The following FAM174B variants were observed in gnomAD, a reference collection of about 807,000 sequenced individuals.
FAM174B encodes the protein membrane protein FAM174B.
In FAM174B, 12 loss-of-function variants were observed where a neutral mutation model predicts 10.9. That is an observed-to-expected ratio of 1.10 (90% CI 0.71 to 1.79). FAM174B has a LOEUF of 1.79. Among genes scored for constraint, FAM174B ranks in the 40% most tolerant of loss-of-function variants. The pLI is 0.00. For missense variants in FAM174B, 266 were observed against 233.3 expected, an observed-to-expected ratio of 1.14 and a Z score of -0.91; for synonymous variants, 132 against 115.8, an observed-to-expected ratio of 1.14 and a Z score of -0.90.
intron 1 of FAM174B, among the ~76,000 whole-genome samples, chr15:92,636,668 G>A (rs1166903202): frequency 2.0e-5 from 3 of 152,128 alleles, no homozygotes; most frequent in African/African-American, 4.8e-5. Flanking sequence ...GAAGCAACTC[G>A]GGAAAATCAC....
At chr15:92,627,909 C>CT (rs976515590) in intron 2 of FAM174B, among the ~76,000 whole-genome samples, 7 of 152,160 alleles carry the variant, frequency 4.6e-5, no homozygotes, top group Non-Finnish European at 1.0e-4. Flanking sequence ...AATACAATCA[C>CT]TAACTTTCCT....
chr15:92,655,334 A>G lies in FAM174B; in HGVS notation c.326T>C (p.Leu109Pro). ...GGCCCACCTGAAGACGCGCAGCAGC[A>G]GGCAGGCGATGAGGAGGGTGGTAAA... ...FAFTTLLIAC[L>P]LLRVFRSGKR... is the part of the protein sequence containing the mutation. The change falls in exon 1 of 3, where the codon CTG (leucine) becomes CCG (proline). Residue 109 changes from leucine to proline, a missense_variant. Leu to Pro is a moderately conservative substitution (Grantham distance 98). Coordinates refer to ENST00000327355, the MANE Select transcript of FAM174B (RefSeq NM_207446.3). 1 of 1,569,722 alleles carries G rather than the reference A, an allele frequency of 6.4e-7. No individual in the cohort carries two copies. Among genetic ancestry groups the G allele is most frequent in the Non-Finnish European group, 8.6e-7 (1 of 1,157,660 alleles).
At chr15:92,650,228 G>A (rs945112183) in intron 1 of FAM174B, among the ~76,000 whole-genome samples, 1 of 152,132 alleles carries the variant, frequency 6.6e-6, no homozygotes, top group South Asian at 2.1e-4. Flanking sequence ...AAGATAAGTA[G>A]GAAAGTTCTC....
At chr15:92,640,911 C>T (rs567308711) in intron 1 of FAM174B, among the ~76,000 whole-genome samples, 90 of 152,224 alleles carry the variant, frequency 5.9e-4, no homozygotes, top group African/African-American at 2.1e-3. Context: ...TCCCAAAGTG[C>T]TGGGATTACA....
At chr15:92,645,227 T>C (rs1203758902) in intron 1 of FAM174B, among the ~76,000 whole-genome samples, 10 of 152,212 alleles carry the variant, frequency 6.6e-5, no homozygotes. Context: ...ATTATTTATA[T>C]AATCTAGCTG....
At chr15:92,631,391 T>C (rs1249540619) in intron 1 of FAM174B, among the ~76,000 whole-genome samples, 3 of 36,172 alleles carry the variant, frequency 8.3e-5, no homozygotes, top group East Asian at 1.5e-3. Context: ...TTATATATTA[T>C]ATATTATATT....
At position 92,631,246 on chromosome 15, in the gene FAM174B, AT is replaced by A. The variant is rs1233298331; in HGVS notation, c.345-902del. 5.8e-4 allele frequency among the ~76,000 whole-genome samples: 7 copies of A among 12,016 alleles called. 1 individual carries two copies. The highest frequency in any genetic ancestry group is 1.2e-3 in the African/African-American group (4 of 3,272). The allele number at this position is 12,016 out of a possible 152,430, so 7.9% of individuals were successfully genotyped here. A position where few individuals can be genotyped will look rare whatever the true frequency, so the allele number is the denominator to read the frequency against. On this transcript the variant is annotated intron_variant, in intron 1 of 2. Transcript: ENST00000327355. The stretch of plus-strand genomic sequence containing the variant: ...TTATATATAATATATTATATATTAT[AT>A]TATATATAATATATTATATATTATA...
intron 2 of FAM174B, chr15:92,619,808 A>C: frequency 5.9e-6 from 2 of 337,012 alleles, no homozygotes; most frequent in Non-Finnish European, 5.4e-6. Context: ...AATATTGTAA[A>C]CTCTGCAGAT....
intron 1 of FAM174B, among the ~76,000 whole-genome samples, chr15:92,643,203 A>G (rs1165940248): frequency 1.3e-5 from 2 of 151,994 alleles, no homozygotes; most frequent in Admixed American, 6.6e-5. Flanking sequence ...CCTGGCATCA[A>G]GCAATCCTCC....
intron 2 of FAM174B, among the ~76,000 whole-genome samples, chr15:92,620,277 T>C (rs2050710662): frequency 1.3e-5 from 2 of 152,170 alleles, no homozygotes; most frequent in South Asian, 4.1e-4. Context: ...GGCGGATGGA[T>C]CACAAGGTCA....
At chr15:92,651,060 C>A (rs1202373115) in intron 1 of FAM174B, among the ~76,000 whole-genome samples, 1 of 152,212 alleles carries the variant, frequency 6.6e-6, no homozygotes, top group Non-Finnish European at 1.5e-5. Flanking sequence ...TTGGAAGAGA[C>A]AGAGGCTCAA....
intron 1 of FAM174B, chr15:92,645,410 C>T (rs1461792224): frequency 6.6e-6 from 1 of 152,292 alleles, no homozygotes; most frequent in Non-Finnish European, 1.5e-5. Flanking sequence ...AATGACAAGT[C>T]TTCAGGTTTT....
At chr15:92,624,810 G>A (rs923997922) in intron 2 of FAM174B, among the ~76,000 whole-genome samples, 3 of 152,212 alleles carry the variant, frequency 2.0e-5, no homozygotes, top group African/African-American at 7.2e-5. Context: ...GGAGCAGCGC[G>A]TTCTCCCAGC....
chr15:92,630,135 T>A, intron 2 of FAM174B, 79 bp downstream of exon 2: 1 of 1,474,630 alleles, frequency 6.8e-7, no homozygotes. Flanking sequence ...CAAGAACACA[T>A]GGACACCATG....
intron 1 of FAM174B, 126 bp from the exon 2 acceptor site, chr15:92,630,471 G>A: frequency 2.3e-6 from 2 of 881,466 alleles, no homozygotes; most frequent in Non-Finnish European, 3.4e-6. Context: ...TCCTCTGTCT[G>A]AGAGTGTGAG....
At chr15:92,654,863 G>C (rs1459922306) in intron 1 of FAM174B, among the ~76,000 whole-genome samples, 1 of 152,012 alleles carries the variant, frequency 6.6e-6, no homozygotes, top group East Asian at 1.9e-4. Flanking sequence ...TGGTAGAAGG[G>C]AGAGGGAGTA....
chr15:92,630,203 C>T lies in FAM174B; in HGVS notation c.476+11G>A. The T allele has an allele frequency of 2.5e-6, 4 of 1,613,092 alleles. No individual in the cohort carries two copies. Among genetic ancestry groups the T allele is most frequent in the Non-Finnish European group, 3.4e-6 (4 of 1,179,220 alleles). On this transcript the variant is annotated intron_variant, in intron 2 of 2. Transcript: ENST00000327355. ...CAAGCCCAGGAGGAAGCCTCTGTCT[C>T]CACCCTGTACCTGTATTTGATGTCG... is the stretch of plus-strand genomic sequence containing the variant.
At position 92,617,887 on chromosome 15, in the gene FAM174B, A is replaced by G; in HGVS notation, c.*1569T>C. ...ACGCAGGCCCCCCGTGGCTGGCAAT[A>G]CCATGCGTGCTGGGCCGGCTGCGCC... On this transcript the variant is annotated 3_prime_UTR_variant, in exon 3 of 3. Coordinates refer to ENST00000327355, the MANE Select transcript of FAM174B (RefSeq NM_207446.3). 1 of 452,280 alleles carries G rather than the reference A, an allele frequency of 2.2e-6. No homozygotes were observed. The highest frequency in any genetic ancestry group is 3.9e-6 in the Non-Finnish European group (1 of 258,214). 28.0% of individuals were successfully genotyped at this position (452,280 alleles called of 1,614,324 possible).
intron 1 of FAM174B, among the ~76,000 whole-genome samples, chr15:92,630,763 TATA>T (rs201591456): frequency 0.5 from 12,684 of 25,534 alleles, 2,110 homozygotes; most frequent in East Asian, 0.62. Context: ...TATAATAATA[TATA>T]ATAATAATAT....
Sources: allele counts gnomAD v4.1 joint callset (sites outside exome capture counted in the v4.1 genomes callset), GRCh38; gene constraint gnomAD v4.1.1; transcripts MANE v1.5; gene names NCBI Gene and HGNC (gene_info 2026-07-23, HGNC 2026-07-21).